The following FGF1 variants were observed in gnomAD, a reference collection of about 807,000 sequenced individuals.
The protein encoded by FGF1 is beta-endothelial cell growth factor.
In FGF1, 9 loss-of-function variants were observed where a neutral mutation model predicts 13.4. That is an observed-to-expected ratio of 0.67 (90% CI 0.40 to 1.17). FGF1 has a LOEUF of 1.17. Ranked by LOEUF, FGF1 falls within the 50% of genes most tolerant of loss-of-function variation. The pLI is 0.01. For missense variants in FGF1, 156 were observed against 192.7 expected (o/e 0.81, Z 1.13); for synonymous variants, 93 against 79.0 (o/e 1.18, Z -0.94).
At chr5:142,632,800 G>T (rs2151930788) in intron 1 of FGF1, among the ~76,000 whole-genome samples, 1 of 152,198 alleles carries the variant, frequency 6.6e-6, no homozygotes, top group Non-Finnish European at 1.5e-5. Context: ...TGGTTCATTT[G>T]TAATGGTTGC....
chr5:142,618,802 C>T (rs1458469964), intron 1 of FGF1, among the ~76,000 whole-genome samples: 3 of 151,754 alleles, frequency 2.0e-5, no homozygotes, highest in African/African-American at 2.4e-5. Context: ...CAGTTATTTG[C>T]GAGGCCCATT....
At chr5:142,690,137 C>A (rs527240004), upstream of FGF1, among the ~76,000 whole-genome samples, 102 of 149,978 alleles carry the variant, frequency 6.8e-4, no homozygotes, top group African/African-American at 2.4e-3. Flanking sequence ...CTGGCTAACA[C>A]GGTGAAACCC....
chr5:142,629,780 G>T (rs1231312628), intron 1 of FGF1, among the ~76,000 whole-genome samples: 2 of 148,634 alleles, frequency 1.3e-5, no homozygotes, highest in African/African-American at 4.9e-5. Flanking sequence ...TTAATATTTT[G>T]CTATATTTAA....
chr5:142,613,446 G>A (rs952099449), intron 2 of FGF1, among the ~76,000 whole-genome samples: 1 of 152,230 alleles, frequency 6.6e-6, no homozygotes, highest in Non-Finnish European at 1.5e-5. Context: ...TGCGTGATAC[G>A]CAGAGGGAAA....
At chr5:142,659,447 T>G (rs1404273143) in intron 1 of FGF1, among the ~76,000 whole-genome samples, 1 of 152,160 alleles carries the variant, frequency 6.6e-6, no homozygotes, top group Non-Finnish European at 1.5e-5. Context: ...CAGGATGGTC[T>G]CAATCTCTTG....
intron 2 of FGF1, among the ~76,000 whole-genome samples, chr5:142,609,333 T>C (rs1163293014): frequency 6.6e-6 from 1 of 152,188 alleles, no homozygotes; most frequent in Non-Finnish European, 1.5e-5. Context: ...CTTGGGGAGC[T>C]GAGGAGTTGT....
At chr5:142,612,345 G>A (rs1284196326) in intron 2 of FGF1, among the ~76,000 whole-genome samples, 1 of 152,270 alleles carries the variant, frequency 6.6e-6, no homozygotes, top group East Asian at 1.9e-4. Flanking sequence ...CAGAAGTCAA[G>A]GTTTCCAGAA....
intron 2 of FGF1, among the ~76,000 whole-genome samples, chr5:142,608,607 A>AAT (rs1366771025): frequency 2.4e-4 from 28 of 114,932 alleles, no homozygotes; most frequent in African/African-American, 8.7e-4. Context: ...CATATATGTA[A>AAT]ATATATATGA....
At chr5:142,654,568 G>A (rs542453651) in intron 1 of FGF1, among the ~76,000 whole-genome samples, 1 of 152,362 alleles carries the variant, frequency 6.6e-6, no homozygotes, top group South Asian at 2.1e-4. Flanking sequence ...TTTAGCAAAA[G>A]TGGGGCATAA....
chr5:142,627,740 C>T (rs1597206778), intron 1 of FGF1, among the ~76,000 whole-genome samples: 1 of 152,280 alleles, frequency 6.6e-6, no homozygotes, highest in South Asian at 2.1e-4. Context: ...AGTCACTTGC[C>T]CCAGTGCTAG....
At chr5:142,696,257 A>C (rs1561782791) in intron 2 of FGF1, among the ~76,000 whole-genome samples, 2 of 152,252 alleles carry the variant, frequency 1.3e-5, no homozygotes, top group South Asian at 4.1e-4. Flanking sequence ...AGCTGCTATC[A>C]GATGAGCTTT....
intron 1 of FGF1, among the ~76,000 whole-genome samples, chr5:142,656,986 T>C (rs1345844487): frequency 6.6e-6 from 1 of 152,082 alleles, no homozygotes; most frequent in African/African-American, 2.4e-5. Flanking sequence ...GGCGAGATCT[T>C]GGCTCACTGC....
At chr5:142,630,629 C>T (rs1358839305) in intron 1 of FGF1, among the ~76,000 whole-genome samples, 1 of 152,200 alleles carries the variant, frequency 6.6e-6, no homozygotes, top group East Asian at 1.9e-4. Flanking sequence ...CCCCTCTATT[C>T]CAGCCACTGC....
intron 1 of FGF1, among the ~76,000 whole-genome samples, chr5:142,673,070 T>C (rs1771806278): frequency 6.6e-6 from 1 of 152,218 alleles, no homozygotes; most frequent in Non-Finnish European, 1.5e-5. Flanking sequence ...CGATGCAGAA[T>C]CTCTGCATTG....
intron 1 of FGF1, among the ~76,000 whole-genome samples, chr5:142,665,163 A>T (rs969131625): frequency 2.6e-5 from 4 of 152,158 alleles, no homozygotes; most frequent in South Asian, 2.1e-4. Flanking sequence ...ACATAGCAAG[A>T]CTTCATCTCA....
intron 1 of FGF1, among the ~76,000 whole-genome samples, chr5:142,675,912 A>G (rs1180867158): frequency 1.3e-5 from 2 of 152,202 alleles, no homozygotes; most frequent in Non-Finnish European, 2.9e-5. Context: ...GGGAACCCCA[A>G]AGCCTTTTTG....
intron 1 of FGF1, among the ~76,000 whole-genome samples, chr5:142,650,489 C>T (rs1404419935): frequency 1.3e-5 from 2 of 152,072 alleles, no homozygotes; most frequent in African/African-American, 4.8e-5. Context: ...AATTACAGTA[C>T]TTACCTCCTA....
At chr5:142,611,324 T>C (rs1242580765) in intron 2 of FGF1, among the ~76,000 whole-genome samples, 1 of 152,106 alleles carries the variant, frequency 6.6e-6, no homozygotes, top group Non-Finnish European at 1.5e-5. Context: ...CCCTAGTAAA[T>C]AGAAGTTTCG....
At chr5:142,628,292 C>T (rs1221855278) in intron 1 of FGF1, among the ~76,000 whole-genome samples, 2 of 152,124 alleles carry the variant, frequency 1.3e-5, no homozygotes, top group Non-Finnish European at 2.9e-5. Context: ...AGGCAGATCA[C>T]GAGGTTGGGA....
Sources: gnomAD v4.1 joint callset for allele counts (sites outside exome capture counted in the v4.1 genomes callset) on GRCh38, gnomAD v4.1.1 for gene constraint, MANE v1.5 for transcripts, NCBI Gene and HGNC (gene_info 2026-07-23, HGNC 2026-07-21) for gene names.